Variants in FN1 observed in about 807,000 individuals in gnomAD.
FN1 encodes fibronectin.
In FN1, 106 loss-of-function variants were observed where a neutral mutation model predicts 297.3. The ratio of observed to expected loss-of-function variants is 0.36; its 90% CI spans 0.30 to 0.42. FN1 has a LOEUF of 0.42. Ranked by LOEUF, FN1 falls within the 10% of genes least tolerant of loss-of-function variation. The pLI is 1.00. For synonymous variants in FN1, 1,149 were observed against 1,152.6 expected (o/e 1.00, Z 0.06); for missense variants, 2,690 against 3,124.9 (o/e 0.86, Z 3.32).
intron 43 of FN1, 83 bp from the exon 44 acceptor site, chr2:215,365,068 C>T: frequency 2.3e-6 from 2 of 884,362 alleles, no homozygotes; most frequent in Non-Finnish European, 3.6e-6. Flanking sequence ...CTATTTCTGT[C>T]CTAAATTTGT....
Position 215,393,043 on chromosome 2 carries a change from TGAG to T in FN1, c.3954_3956del (p.Ser1319del), listed in dbSNP as rs750035856. On this transcript the variant is annotated inframe_deletion, in exon 25 of 46. Coordinates refer to ENST00000354785, the MANE Select transcript of FN1 (RefSeq NM_212482.4). ...GCCCTGTGACTGTGTAGTATCCTAC[TGAG>T]GAGTCCACAAAATCTTCAAAAATAG... The T allele has an allele frequency of 6.2e-7, 1 of 1,614,064 alleles. No homozygotes were observed. The highest frequency in any genetic ancestry group is 1.1e-5 in the South Asian group (1 of 91,068).
chr2:215,371,888 G>A lies in FN1; in HGVS notation c.6714+21C>T, dbSNP rs780005538. On this transcript the variant is annotated intron_variant, in intron 40 of 45. Coordinates refer to ENST00000354785, the MANE Select transcript of FN1 (RefSeq NM_212482.4). The stretch of plus-strand genomic sequence containing the variant: ...TCCTTTCTGTGCTGCCCCATGAGAA[G>A]TGAAGAGAACAATTAATTACCTGTA... The A allele has an allele frequency of 5.7e-6, 9 of 1,585,324 alleles. No homozygotes were observed. In the South Asian group the frequency reaches 7.7e-5, roughly 14 times the overall value.
At chr2:215,388,541 G>A (rs2059314197) in intron 26 of FN1, among the ~76,000 whole-genome samples, 1 of 152,200 alleles carries the variant, frequency 6.6e-6, no homozygotes, top group South Asian at 2.1e-4. Context: ...CCACCTGTGA[G>A]TGTGACTCAG....
At chr2:215,434,617 T>C in intron 2 of FN1, 79 bp downstream of exon 2, 1 of 1,533,434 alleles carries the variant, frequency 6.5e-7, no homozygotes, top group Non-Finnish European at 9.0e-7. Context: ...TGTATGTATT[T>C]TTACTTACTA....
intron 20 of FN1, 93 bp downstream of exon 20, chr2:215,404,296 A>C: frequency 2.7e-6 from 3 of 1,122,680 alleles, no homozygotes; most frequent in Non-Finnish European, 3.9e-6. Flanking sequence ...CTAATTTTTT[A>C]ATGTTTTTTT....
chr2:215,423,881 A>C (rs556785525), intron 8 of FN1, among the ~76,000 whole-genome samples: 1 of 152,320 alleles, frequency 6.6e-6, no homozygotes, highest in South Asian at 2.1e-4. Context: ...TCCAAAATAC[A>C]AGTATCTTTA....
intron 40 of FN1, among the ~76,000 whole-genome samples, chr2:215,371,594 G>C (rs2056127799): frequency 6.9e-6 from 1 of 145,326 alleles, no homozygotes. Context: ...CTCCAAAGTA[G>C]AGCCATATTG....
chr2:215,389,775 G>A (rs1438285121), intron 26 of FN1, among the ~76,000 whole-genome samples: 1 of 148,472 alleles, frequency 6.7e-6, no homozygotes, highest in Non-Finnish European at 1.5e-5. Flanking sequence ...GGGCAACAGA[G>A]GGAGACTCCG....
intron 35 of FN1, among the ~76,000 whole-genome samples, chr2:215,377,077 AGAGAGTGTGT>A (rs1559368207): frequency 2.6e-5 from 2 of 76,964 alleles, no homozygotes; most frequent in Non-Finnish European, 3.3e-5. Flanking sequence ...TGAGAGAGAG[AGAGAGTGTGT>A]GTGTGTGTGT....
At chr2:215,372,582 G>A in intron 39 of FN1, 6 of 604,932 alleles carry the variant, frequency 9.9e-6, no homozygotes, top group Admixed American at 5.6e-5. Flanking sequence ...AGTTTAGAAA[G>A]AAAAAAGTGT....
chr2:215,393,252 G>T (rs1162759458), intron 24 of FN1, 49 bp from the exon 25 acceptor site: 1 of 1,580,134 alleles, frequency 6.3e-7, no homozygotes, highest in East Asian at 2.2e-5. Context: ...GAAAATAGAG[G>T]GAAAAAAAGA....
intron 24 of FN1, 72 bp downstream of exon 24, chr2:215,394,456 G>T: frequency 8.1e-7 from 1 of 1,242,220 alleles, no homozygotes; most frequent in Non-Finnish European, 1.2e-6. Flanking sequence ...TTAAGCATCT[G>T]GGGATTAAGA....
chr2:215,423,211 CA>C, intron 9 of FN1, 138 bp downstream of exon 9: 1 of 765,600 alleles, frequency 1.3e-6, no homozygotes, highest in Non-Finnish European at 2.2e-6. Flanking sequence ...CACACACACA[CA>C]AACACACTTC....
In FN1 at chr2:215,408,286, G is replaced by A. The variant is rs763500794; in HGVS notation, c.2428+12C>T. 2 of 1,614,072 alleles carry A rather than the reference G, an allele frequency of 1.2e-6. No homozygotes were observed. Among genetic ancestry groups the A allele is most frequent in the Non-Finnish European group, 1.7e-6 (2 of 1,179,922 alleles). ...AAAAAGATTCTTTTAACACTATGTAGCACACATGTACCTGTTGTTTGTGAA... is the reference window on the plus strand; with the variant it reads ...AAAAAGATTCTTTTAACACTATGTAACACACATGTACCTGTTGTTTGTGAA... On this transcript the variant is annotated intron_variant, in intron 16 of 45. Transcript: ENST00000354785.
chr2:215,423,995 T>TA (rs1229961757), intron 8 of FN1, 151 bp downstream of exon 8: 1 of 773,906 alleles, frequency 1.3e-6, no homozygotes, highest in Non-Finnish European at 2.3e-6. Flanking sequence ...CCTCAGCTGT[T>TA]ACGTGAGCGC....
At chr2:215,370,568 AGAGG>A (rs1208447347) in intron 40 of FN1, 136 bp from the exon 41 acceptor site, 2 of 766,774 alleles carry the variant, frequency 2.6e-6, no homozygotes, top group Non-Finnish European at 4.2e-6. Flanking sequence ...AAAAAAAAAA[AGAGG>A]GAGGGTATAG....
intron 4 of FN1, 96 bp downstream of exon 4, chr2:215,431,737 G>T: frequency 1.6e-6 from 2 of 1,238,810 alleles, no homozygotes; most frequent in South Asian, 1.2e-5. Context: ...GTTTTCACTG[G>T]AATTCAGGTC....
chr2:215,367,324 G>T (rs907534801), intron 42 of FN1, among the ~76,000 whole-genome samples: 3 of 152,166 alleles, frequency 2.0e-5, no homozygotes, highest in East Asian at 1.9e-4. Context: ...GATTTTTAAT[G>T]ATCTAAAAGC....
intron 12 of FN1, 97 bp downstream of exon 12, chr2:215,419,145 G>A: frequency 9.8e-7 from 1 of 1,019,944 alleles, no homozygotes; most frequent in Non-Finnish European, 1.5e-6. Flanking sequence ...GGGAAAGAGG[G>A]GAGACCCCCA....
Sources: allele counts gnomAD v4.1 joint callset (sites outside exome capture counted in the v4.1 genomes callset), GRCh38; gene constraint gnomAD v4.1.1; transcripts MANE v1.5; gene names NCBI Gene and HGNC (gene_info 2026-07-23, HGNC 2026-07-21).